Variants in KCTD8 observed in about 807,000 individuals in gnomAD.
KCTD8 encodes BTB/POZ domain-containing protein KCTD8.
In KCTD8, 27 loss-of-function variants were observed where a neutral mutation model predicts 31.5. That is an observed-to-expected ratio of 0.86 (90% CI 0.63 to 1.18). The LOEUF (loss-of-function observed/expected upper bound fraction) is 1.18. KCTD8 is among the 50% of genes most tolerant of loss of function. The pLI is 0.00. For synonymous variants in KCTD8, 290 were observed against 280.0 expected (o/e 1.04, Z -0.36); for missense variants, 658 against 647.7 (o/e 1.02, Z -0.17).
intron 1 of KCTD8, among the ~76,000 whole-genome samples, chr4:44,299,741 T>G (rs1043974603): frequency 1.0e-4 from 15 of 147,520 alleles, no homozygotes; most frequent in Middle Eastern, 3.7e-3. Context: ...AAAAAAAAGG[T>G]GGTGCCTTAG....
At chr4:44,296,096 A>G (rs1200651805) in intron 1 of KCTD8, among the ~76,000 whole-genome samples, 7 of 152,140 alleles carry the variant, frequency 4.6e-5, no homozygotes, top group Non-Finnish European at 8.8e-5. Context: ...AAGGAATGCT[A>G]AGATTTGTTA....
intron 1 of KCTD8, among the ~76,000 whole-genome samples, chr4:44,382,841 A>G (rs1720110142): frequency 6.6e-6 from 1 of 151,952 alleles, no homozygotes; most frequent in Non-Finnish European, 1.5e-5. Context: ...AAGAAAGGAG[A>G]TCCAAATTGG....
chr4:44,352,379 G>T (rs1238863380), intron 1 of KCTD8, among the ~76,000 whole-genome samples: 1 of 149,610 alleles, frequency 6.7e-6, no homozygotes, highest in Non-Finnish European at 1.5e-5. Flanking sequence ...TTAGTAAAAG[G>T]AAAGACACAT....
chr4:44,439,004 T>G (rs1307737663), intron 1 of KCTD8, among the ~76,000 whole-genome samples: 1 of 152,204 alleles, frequency 6.6e-6, no homozygotes, highest in East Asian at 1.9e-4. Context: ...ACAGCCAGAA[T>G]TTTTCAAGGT....
intron 1 of KCTD8, among the ~76,000 whole-genome samples, chr4:44,222,129 A>G (rs565164601): frequency 1.3e-5 from 2 of 152,244 alleles, no homozygotes; most frequent in African/African-American, 2.4e-5. Flanking sequence ...AACCTAAAGT[A>G]GAATTCACTC....
chr4:44,397,789 C>A (rs1176863892), intron 1 of KCTD8, among the ~76,000 whole-genome samples: 1 of 152,114 alleles, frequency 6.6e-6, no homozygotes, highest in Non-Finnish European at 1.5e-5. Flanking sequence ...CTAAAATACA[C>A]TGGCAAATGT....
chr4:44,189,065 A>T (rs1456583473), intron 1 of KCTD8, among the ~76,000 whole-genome samples: 1 of 152,188 alleles, frequency 6.6e-6, no homozygotes, highest in Non-Finnish European at 1.5e-5. Context: ...TATTGTCCTT[A>T]ATAACTGGAT....
rs750799162 is a variant in KCTD8, at chr4:44,447,922, G to GCGCCGC, written c.596_601dup (p.Gly199_Gly200dup). On this transcript the variant is annotated inframe_insertion, in exon 1 of 2. Coordinates refer to ENST00000360029, the MANE Select transcript of KCTD8 (RefSeq NM_198353.3). ...GAGGAAGCCCGAGCGCTTGTCCTGC[G>GCGCCGC]CGCCGCCGCCGCCGCCACCACCGTG... is the stretch of plus-strand genomic sequence containing the variant. 1.1e-3 allele frequency: 1,551 copies of GCGCCGC among 1,434,720 alleles called. 25 individuals are homozygous for GCGCCGC. In the South Asian group the frequency reaches 0.022, roughly 21 times the overall value. 88.9% of individuals were successfully genotyped at this position (1,434,720 alleles called of 1,614,324 possible).
intron 1 of KCTD8, among the ~76,000 whole-genome samples, chr4:44,185,636 C>G (rs1713562875): frequency 1.3e-5 from 2 of 152,182 alleles, no homozygotes; most frequent in Admixed American, 6.5e-5. Flanking sequence ...GGACTGCATT[C>G]TTTTCTTGCC....
At chr4:44,256,319 A>T (rs575968487) in intron 1 of KCTD8, among the ~76,000 whole-genome samples, 10 of 151,982 alleles carry the variant, frequency 6.6e-5, no homozygotes, top group Non-Finnish European at 1.0e-4. Flanking sequence ...AACAACCCAC[A>T]GAGTAGCAGA....
At chr4:44,336,635 A>C (rs1718753356) in intron 1 of KCTD8, among the ~76,000 whole-genome samples, 1 of 152,162 alleles carries the variant, frequency 6.6e-6, no homozygotes, top group African/African-American at 2.4e-5. Flanking sequence ...TGAAAAACAA[A>C]AAATAAGAAA....
intron 1 of KCTD8, among the ~76,000 whole-genome samples, chr4:44,245,226 G>C (rs1370128512): frequency 6.6e-6 from 1 of 152,110 alleles, no homozygotes; most frequent in African/African-American, 2.4e-5. Context: ...TTTGGGGTAA[G>C]AGAGGGAATA....
chr4:44,431,106 G>T (rs1721492698), intron 1 of KCTD8, among the ~76,000 whole-genome samples: 1 of 151,454 alleles, frequency 6.6e-6, no homozygotes, highest in Admixed American at 6.6e-5. Context: ...CGTAAGAATA[G>T]GTATTAAGCA....
intron 1 of KCTD8, among the ~76,000 whole-genome samples, chr4:44,349,071 G>A (rs900937216): frequency 3.1e-4 from 43 of 136,784 alleles, no homozygotes; most frequent in South Asian, 6.8e-4. Context: ...CGCTGCCACC[G>A]CCACCACCAC....
intron 1 of KCTD8, among the ~76,000 whole-genome samples, chr4:44,426,500 C>G (rs757143888): frequency 7.3e-5 from 11 of 151,108 alleles, no homozygotes; most frequent in Non-Finnish European, 1.3e-4. Flanking sequence ...ATAGAAATAA[C>G]CAAAAAACAG....
chr4:44,223,381 G>A (rs374366806), intron 1 of KCTD8, among the ~76,000 whole-genome samples: 3 of 152,294 alleles, frequency 2.0e-5, no homozygotes, highest in African/African-American at 7.2e-5. Context: ...TGTAGGTGTA[G>A]AAGGGTTAAA....
At chr4:44,394,000 G>A (rs1303153280) in intron 1 of KCTD8, among the ~76,000 whole-genome samples, 5 of 151,920 alleles carry the variant, frequency 3.3e-5, no homozygotes, top group African/African-American at 9.7e-5. Flanking sequence ...AGAATATAGA[G>A]TTCAAGAGAA....
intron 1 of KCTD8, among the ~76,000 whole-genome samples, chr4:44,444,576 G>A (rs1222409866): frequency 6.6e-6 from 1 of 152,158 alleles, no homozygotes; most frequent in African/African-American, 2.4e-5. Context: ...CTTTTATTAT[G>A]AGTCAGGCAC....
At chr4:44,182,298 G>A (rs1433863757) in intron 1 of KCTD8, among the ~76,000 whole-genome samples, 1 of 152,220 alleles carries the variant, frequency 6.6e-6, no homozygotes, top group East Asian at 1.9e-4. Context: ...GTACCCAACA[G>A]CTCATTGAGA....
Sources: gnomAD v4.1 joint callset for allele counts (sites outside exome capture counted in the v4.1 genomes callset) on GRCh38, gnomAD v4.1.1 for gene constraint, MANE v1.5 for transcripts, NCBI Gene and HGNC (gene_info 2026-07-23, HGNC 2026-07-21) for gene names.